Variants in MROH7 observed in about 807,000 individuals in gnomAD.
MROH7 encodes the protein maestro heat-like repeat-containing protein family member 7.
A neutral mutation model predicts 129.2 loss-of-function variants in MROH7; 113 were observed. The ratio of observed to expected loss-of-function variants is 0.87; its 90% CI spans 0.75 to 1.02. The LOEUF is 1.02. Ranked by LOEUF, MROH7 falls within the 50% of genes least tolerant of loss-of-function variation. MROH7 has a pLI of 0.00. For missense variants in MROH7, 1,601 were observed against 1,671.3 expected (o/e 0.96, Z 0.73); for synonymous variants, 655 against 667.9 (o/e 0.98, Z 0.30).
chr1:54,690,270 A>G, intron 15 of MROH7, among the ~76,000 whole-genome samples: 1 of 118,822 alleles, frequency 8.4e-6, no homozygotes, highest in African/African-American at 3.2e-5. Flanking sequence ...TGGGGTGAGA[A>G]GGGAGGGAAA....
chr1:54,642,966 T>C (rs933196951), intron 1 of MROH7, among the ~76,000 whole-genome samples: 2 of 152,232 alleles, frequency 1.3e-5, no homozygotes, highest in African/African-American at 4.8e-5. Flanking sequence ...ATGAATGAGA[T>C]GATGACATCT....
In MROH7 at chr1:54,641,949, T is replaced by G. The variant is rs1398778147; in HGVS notation, c.-129T>G. ...CTTAGAGCTGGATTTTCTGTTACCA[T>G]GTGGATGCTCCAGGTGAAGGTAACA... On this transcript the variant is annotated 5_prime_UTR_variant, in exon 1 of 24. An upstream start codon of the reference 5' UTR is lost. Transcript: ENST00000421030. 6.6e-6 allele frequency: 1 copy of G among 152,244 alleles called. No homozygotes were observed. The highest frequency in any genetic ancestry group is 6.5e-5 in the Admixed American group (1 of 15,276). The allele number at this position is 152,244 out of a possible 1,614,324, so 9.4% of individuals were successfully genotyped here. A position where few individuals can be genotyped will look rare whatever the true frequency, so the allele number is the denominator to read the frequency against.
At chr1:54,649,881 G>A (rs1644529252) in intron 1 of MROH7, among the ~76,000 whole-genome samples, 1 of 152,206 alleles carries the variant, frequency 6.6e-6, no homozygotes, top group Non-Finnish European at 1.5e-5. Flanking sequence ...AAATCAAGGA[G>A]CAATCAAATT....
At position 54,679,933 on chromosome 1, in the gene MROH7, A is replaced by G; in HGVS notation, c.2269A>G (p.Ile757Val). The G allele has an allele frequency of 6.2e-7, 1 of 1,613,620 alleles. No homozygotes were observed. Among genetic ancestry groups the G allele is most frequent in the East Asian group, 2.2e-5 (1 of 44,870 alleles). The change falls in exon 13 of 24, where the codon ATC becomes GTC. Residue 757 changes from isoleucine (I) to valine (V), a missense_variant. Physicochemically the swap from Ile to Val is conservative, Grantham distance 29. Coordinates refer to ENST00000421030, the MANE Select transcript of MROH7 (RefSeq NM_001039464.4). ...MQGIYMQLSH[I>V]QEPRARQVAL... ...AGGCATCTACATGCAGCTGAGCCAC[A>G]TCCAGGAGCCTCGGGCCCGCCAGGT...
chr1:54,700,539 C>A, intron 18 of MROH7, 78 bp downstream of exon 18: 1 of 1,392,330 alleles, frequency 7.2e-7, no homozygotes, highest in Non-Finnish European at 9.7e-7. Context: ...CATTATAGTA[C>A]CTCAGAAGCC....
At chr1:54,702,492 A>T in intron 20 of MROH7, 131 bp from the exon 21 acceptor site, 1 of 894,930 alleles carries the variant, frequency 1.1e-6, no homozygotes, top group Non-Finnish European at 1.6e-6. Flanking sequence ...AAATAATAGT[A>T]ATTAAAAAAA....
In MROH7 at chr1:54,679,274, C is replaced by A. The variant is rs1333874193; in HGVS notation, c.2061C>A (p.Asp687Glu). Residue 687 changes from aspartate (D) to glutamate (E), a missense_variant, in exon 12 of 24, where the codon GAC (aspartate) becomes GAA (glutamate). Transcript: ENST00000421030. ...CACCTTTGTTTCAGGAATTTGGAGACTTCCTGGGGCCCCAGCAGATAAAGG... is the reference window on the plus strand; with the variant it reads ...CACCTTTGTTTCAGGAATTTGGAGAATTCCTGGGGCCCCAGCAGATAAAGG... ...NILRVIEEFGDFLGPQQIKDL... is the reference protein window; with the variant it reads ...NILRVIEEFGEFLGPQQIKDL... 4 of 1,614,052 alleles carry A rather than the reference C, an allele frequency of 2.5e-6. No homozygotes were observed. The highest frequency in any genetic ancestry group is 4.5e-5 in the East Asian group (2 of 44,848).
chr1:54,696,659 CTTTTTTTTTTTTTTTT>C (rs1157748080), intron 17 of MROH7, among the ~76,000 whole-genome samples: 16 of 66,894 alleles, frequency 2.4e-4, no homozygotes, highest in African/African-American at 1.0e-3. Context: ...AATTTCCTTA[CTTTTTTTTTTTTTTTT>C]TTTTTTTTTT....
intron 3 of MROH7, among the ~76,000 whole-genome samples, chr1:54,660,570 T>A (rs561290784): frequency 3.3e-5 from 5 of 152,320 alleles, no homozygotes; most frequent in Non-Finnish European, 7.3e-5. Context: ...TCCCAGCACT[T>A]TGGGAGGCTG....
At chr1:54,670,657 CCCTCCCCCAA>C in intron 6 of MROH7, 81 bp downstream of exon 6, 1 of 1,402,868 alleles carries the variant, frequency 7.1e-7, no homozygotes, top group Non-Finnish European at 9.8e-7. Flanking sequence ...CTTCGCTGTA[CCCTCCCCCAA>C]CCCGCCCCCA....
intron 1 of MROH7, among the ~76,000 whole-genome samples, 171 bp downstream of exon 1, chr1:54,642,139 C>G (rs965828936): frequency 6.6e-6 from 1 of 152,016 alleles, no homozygotes; most frequent in African/African-American, 2.4e-5. Flanking sequence ...AGCCTGGAAA[C>G]CATACTTTGT....
rs781510085 is a variant in MROH7, at chr1:54,710,011, CA to C, written c.3797del (p.His1266ProfsTer56). ...VCIYAAQVQD[H>X]ILASCWQNSW... ...CATCTACGCAGCCCAGGTCCAGGAC[CA>C]CATCCTGGCCAGCTGCTGGCAGAAC... On this transcript the variant is annotated frameshift_variant, in exon 24 of 24. Transcript: ENST00000421030. LOFTEE classifies it high-confidence loss of function. 1.9e-6 allele frequency: 3 copies of C among 1,614,096 alleles called. No homozygotes were observed. Among genetic ancestry groups the C allele is most frequent in the East Asian group, 2.2e-5 (1 of 44,876 alleles).
chr1:54,685,807 G>C (rs993162638), intron 14 of MROH7, among the ~76,000 whole-genome samples: 3 of 152,136 alleles, frequency 2.0e-5, no homozygotes, highest in African/African-American at 7.2e-5. Flanking sequence ...CTGTGTGCCT[G>C]TGTTGTGAAT....
At chr1:54,652,054 G>A (rs1268185418) in intron 2 of MROH7, 71 bp downstream of exon 2, 1 of 152,480 alleles carries the variant, frequency 6.6e-6, no homozygotes, top group Non-Finnish European at 1.5e-5. Context: ...GGAGGACTGG[G>A]GAGTTCATCC....
At chr1:54,663,694 A>AC in intron 3 of MROH7, 1 of 398,238 alleles carries the variant, frequency 2.5e-6, no homozygotes, top group South Asian at 1.8e-5. Context: ...CTAAAAAAAA[A>AC]AAAAAAACAA....
rs115685649 is a variant in MROH7, at chr1:54,695,319, C to G, written c.2850-57C>G. 6,807 of 931,132 alleles carry G rather than the reference C, an allele frequency of 7.3e-3. 106 individuals carry two copies. The highest frequency in any genetic ancestry group is 0.051 in the African/African-American group (3,085 of 60,900). The allele number at this position is 931,132 out of a possible 1,614,324, so 57.7% of individuals were successfully genotyped here. A position where few individuals can be genotyped will look rare whatever the true frequency, so the allele number is the denominator to read the frequency against. On this transcript the variant is annotated intron_variant, in intron 16 of 23. Coordinates refer to ENST00000421030, the MANE Select transcript of MROH7 (RefSeq NM_001039464.4). ...TCCAGTGTCACAAGCAAATCCCCCC[C>G]ACAGGTCCCCCTGGGGCTGGATACC...
chr1:54,677,658 T>C (rs897532019), intron 10 of MROH7, among the ~76,000 whole-genome samples: 5 of 152,152 alleles, frequency 3.3e-5, no homozygotes, highest in African/African-American at 1.2e-4. Flanking sequence ...CACTCTGCCT[T>C]GGTGGCCCTT....
At chr1:54,672,767 A>G (rs1200076741) in intron 7 of MROH7, among the ~76,000 whole-genome samples, 1 of 152,092 alleles carries the variant, frequency 6.6e-6, no homozygotes, top group East Asian at 1.9e-4. Context: ...AATGAGAAAA[A>G]CAATTTGTGG....
intron 1 of MROH7, among the ~76,000 whole-genome samples, chr1:54,646,300 T>A (rs1644466392): frequency 6.6e-6 from 1 of 151,400 alleles, no homozygotes; most frequent in African/African-American, 2.4e-5. Flanking sequence ...GGCTCCCCAC[T>A]GGGAGACCCT....
Sources: allele counts gnomAD v4.1 joint callset (sites outside exome capture counted in the v4.1 genomes callset), GRCh38; gene constraint gnomAD v4.1.1; transcripts MANE v1.5; gene names NCBI Gene and HGNC (gene_info 2026-07-23, HGNC 2026-07-21).